CCDC60: variants seen among roughly 807,000 people sequenced by gnomAD.
CCDC60 encodes coiled-coil domain-containing protein 60.
In CCDC60, 54 loss-of-function variants were observed where a neutral mutation model predicts 63.5. The observed-to-expected ratio is 0.85, with a 90% confidence interval of 0.68 to 1.07. The LOEUF (loss-of-function observed/expected upper bound fraction) is 1.07. Among genes scored for constraint, CCDC60 ranks in the 50% least tolerant of loss-of-function variants. CCDC60 has a pLI of 0.00. For synonymous variants in CCDC60, 206 were observed against 238.8 expected, an observed-to-expected ratio of 0.86 and a Z score of 1.27; for missense variants, 651 against 684.3, an observed-to-expected ratio of 0.95 and a Z score of 0.54.
At chr12:119,481,677 T>C (rs1951321598) in intron 4 of CCDC60, among the ~76,000 whole-genome samples, 1 of 152,048 alleles carries the variant, frequency 6.6e-6, no homozygotes, top group South Asian at 2.1e-4. Context: ...TAGTGGTGAT[T>C]TGTGAGATTT....
intron 4 of CCDC60, among the ~76,000 whole-genome samples, chr12:119,481,104 G>T (rs1951309992): frequency 6.6e-6 from 1 of 151,090 alleles, no homozygotes. Flanking sequence ...TCATCACATT[G>T]TGTTGGACAC....
intron 4 of CCDC60, among the ~76,000 whole-genome samples, chr12:119,485,908 C>T (rs185204932): frequency 2.0e-5 from 3 of 152,308 alleles, no homozygotes; most frequent in African/African-American, 4.8e-5. Flanking sequence ...TCACATGCCC[C>T]GCTTCCCCTC....
At chr12:119,392,220 C>T (rs1956172477) in intron 1 of CCDC60, among the ~76,000 whole-genome samples, 1 of 152,156 alleles carries the variant, frequency 6.6e-6, no homozygotes, top group African/African-American at 2.4e-5. Context: ...ATCACTTCAT[C>T]TTCCCCAAAA....
intron 1 of CCDC60, among the ~76,000 whole-genome samples, chr12:119,377,053 G>A (rs779401747): frequency 3.3e-5 from 5 of 152,010 alleles, no homozygotes; most frequent in African/African-American, 9.7e-5. Context: ...CCAGGAGTTC[G>A]AGACCAGCCT....
At position 119,500,065 on chromosome 12, in the gene CCDC60, GT is replaced by G. The variant is rs773798030; in HGVS notation, c.558-10del. The G allele has an allele frequency of 1.3e-6, 2 of 1,585,340 alleles. No homozygotes were observed. Among genetic ancestry groups the G allele is most frequent in the South Asian group, 2.2e-5 (2 of 90,412 alleles). On this transcript the variant is annotated splice_polypyrimidine_tract_variant and intron_variant, in intron 5 of 13. Transcript: ENST00000327554. ...CTGGAAACGGAAAACTCATTAAGCT[GT>G]TTCTCACTCAGGGACCCGGGTGGAA...
At chr12:119,477,491 C>T (rs1299683543) in intron 3 of CCDC60, among the ~76,000 whole-genome samples, 1 of 152,242 alleles carries the variant, frequency 6.6e-6, no homozygotes, top group Non-Finnish European at 1.5e-5. Flanking sequence ...CCACTAGACT[C>T]AGCTTCGGAA....
At chr12:119,500,772 T>C (rs1951833411) in intron 6 of CCDC60, among the ~76,000 whole-genome samples, 1 of 152,170 alleles carries the variant, frequency 6.6e-6, no homozygotes, top group South Asian at 2.1e-4. Flanking sequence ...GAGGATCATT[T>C]AAGCCCAGGA....
At position 119,415,183 on chromosome 12, in the gene CCDC60, G is replaced by A. The variant is rs550092090; in HGVS notation, c.91-13500G>A. The stretch of plus-strand genomic sequence containing the variant: ...GTGTATCTCTCCAGAGTTGTGCAGC[G>A]TCCAACCTGTGCATCCTTATATGAC... On this transcript the variant is annotated intron_variant, in intron 1 of 13. Coordinates refer to ENST00000327554, the MANE Select transcript of CCDC60 (RefSeq NM_178499.5). Among the ~76,000 whole-genome samples, 19 of 152,252 alleles carry A rather than the reference G, an allele frequency of 1.2e-4. No homozygotes were observed. In the South Asian group the frequency reaches 3.7e-3, roughly 30 times the overall value.
intron 1 of CCDC60, among the ~76,000 whole-genome samples, chr12:119,416,950 A>C (rs1956710596): frequency 6.6e-6 from 1 of 152,090 alleles, no homozygotes; most frequent in Non-Finnish European, 1.5e-5. Context: ...GTGAAACCCC[A>C]TCTATACAAA....
chr12:119,433,936 A>C (rs572406618), intron 2 of CCDC60, among the ~76,000 whole-genome samples: 1 of 152,176 alleles, frequency 6.6e-6, no homozygotes, highest in Non-Finnish European at 1.5e-5. Flanking sequence ...GTCTCTTTGC[A>C]TGTGCCCAGT....
At chr12:119,459,342 A>G (rs1950812328) in intron 2 of CCDC60, among the ~76,000 whole-genome samples, 1 of 152,254 alleles carries the variant, frequency 6.6e-6, no homozygotes, top group African/African-American at 2.4e-5. Context: ...CTTTGCAAAA[A>G]TTATGACAGT....
At chr12:119,528,085 G>T (rs1300171657) in intron 11 of CCDC60, among the ~76,000 whole-genome samples, 1 of 152,056 alleles carries the variant, frequency 6.6e-6, no homozygotes, top group East Asian at 1.9e-4. Context: ...CCTTAGAGAA[G>T]AATTTATTCT....
intron 1 of CCDC60, among the ~76,000 whole-genome samples, chr12:119,414,259 T>TTAGG (rs1956659995): frequency 6.6e-6 from 1 of 152,116 alleles, no homozygotes; most frequent in African/African-American, 2.4e-5. Context: ...CCTCAAGAGA[T>TTAGG]CTGCCTGCCG....
chr12:119,489,756 A>G (rs1031811668), intron 5 of CCDC60, among the ~76,000 whole-genome samples: 1 of 151,836 alleles, frequency 6.6e-6, no homozygotes, highest in Admixed American at 6.6e-5. Flanking sequence ...GCCCTCCCAT[A>G]GTCCTGCCTC....
At chr12:119,453,104 G>C (rs1234919471) in intron 2 of CCDC60, among the ~76,000 whole-genome samples, 1 of 152,216 alleles carries the variant, frequency 6.6e-6, no homozygotes, top group Non-Finnish European at 1.5e-5. Flanking sequence ...TGGGATTACA[G>C]GCGTGAGCCA....
At chr12:119,525,331 TC>T (rs1754037445) in intron 11 of CCDC60, among the ~76,000 whole-genome samples, 1 of 152,120 alleles carries the variant, frequency 6.6e-6, no homozygotes, top group African/African-American at 2.4e-5. Context: ...AAGAAGATCA[TC>T]CCCAAGACAC....
chr12:119,335,023 CT>C lies in CCDC60; in HGVS notation c.-152del, dbSNP rs1955456027. On this transcript the variant is annotated 5_prime_UTR_variant, in exon 1 of 14. Coordinates refer to ENST00000327554, the MANE Select transcript of CCDC60 (RefSeq NM_178499.5). Reference sequence around the variant, plus strand: ...GAGACCCAGGTGCTTTCTCATTACTCTTCAGAAGGAAACCGCTTTGGAGTTC... The same window carrying C: ...GAGACCCAGGTGCTTTCTCATTACTCTCAGAAGGAAACCGCTTTGGAGTTC... 1.7e-6 allele frequency: 1 copy of C among 593,080 alleles called. No homozygotes were observed. The highest frequency in any genetic ancestry group is 2.3e-5 in the South Asian group (1 of 43,504). 36.7% of individuals were successfully genotyped at this position (593,080 alleles called of 1,614,324 possible).
At chr12:119,423,814 A>G (rs559989176) in intron 1 of CCDC60, among the ~76,000 whole-genome samples, 25 of 152,284 alleles carry the variant, frequency 1.6e-4, no homozygotes, top group African/African-American at 5.5e-4. Flanking sequence ...ACCTGTCATG[A>G]GTTCTGATTT....
chr12:119,477,231 C>A (rs141280365), intron 3 of CCDC60, among the ~76,000 whole-genome samples: 81 of 152,288 alleles, frequency 5.3e-4, no homozygotes, highest in East Asian at 5.0e-3. Flanking sequence ...TTCCTGGTGC[C>A]CGGAATCACA....
Sources: allele counts gnomAD v4.1 joint callset (sites outside exome capture counted in the v4.1 genomes callset), GRCh38; gene constraint gnomAD v4.1.1; transcripts MANE v1.5; gene names NCBI Gene and HGNC (gene_info 2026-07-23, HGNC 2026-07-21).